The following CAMKK2 variants were observed in gnomAD, a reference collection of about 807,000 sequenced individuals.
CAMKK2 encodes the protein calcium/calmodulin-dependent protein kinase kinase 2.
CAMKK2 carries 30 observed loss-of-function variants against 67.2 expected under a neutral mutation model. The ratio of observed to expected loss-of-function variants is 0.45; its 90% CI spans 0.33 to 0.61. The LOEUF is 0.61. Among genes scored for constraint, CAMKK2 ranks in the 20% least tolerant of loss-of-function variants. CAMKK2 has a pLI of 0.02. For missense variants in CAMKK2, 643 were observed against 802.0 expected (o/e 0.80, Z 2.39); for synonymous variants, 322 against 326.2 (o/e 0.99, Z 0.14).
rs377717128 is a variant in CAMKK2, at chr12:121,244,085, T to C, written c.1596+488A>G. Reference sequence around the variant, plus strand: ...TGCATCCACTCGGGTGAGGGAACTCTTACGTTACTTTGCAACAGGCAGGAA... The same window carrying C: ...TGCATCCACTCGGGTGAGGGAACTCCTACGTTACTTTGCAACAGGCAGGAA... On this transcript the variant is annotated intron_variant, in intron 16 of 16. Transcript: ENST00000404169. 4.0e-5 allele frequency: 64 copies of C among 1,610,408 alleles called. No homozygotes were observed. In the African/African-American group the frequency reaches 8.0e-4, roughly 20 times the overall value.
chr12:121,286,957 A>G (rs1221802966), intron 1 of CAMKK2, among the ~76,000 whole-genome samples: 3 of 151,912 alleles, frequency 2.0e-5, no homozygotes, highest in Non-Finnish European at 4.4e-5. Context: ...CCAGGCTGGA[A>G]TGCAGTGGTG....
At chr12:121,262,522 A>T (rs1310911819) in intron 6 of CAMKK2, among the ~76,000 whole-genome samples, 1 of 152,002 alleles carries the variant, frequency 6.6e-6, no homozygotes, top group Non-Finnish European at 1.5e-5. Context: ...AAAAAAAAAA[A>T]AATGTATTAC....
intron 1 of CAMKK2, among the ~76,000 whole-genome samples, chr12:121,288,203 G>T (rs558672438): frequency 6.6e-6 from 1 of 152,064 alleles, no homozygotes; most frequent in Non-Finnish European, 1.5e-5. Flanking sequence ...AAAACAACTG[G>T]AATTTCAGTT....
chr12:121,290,795 T>C (rs545107645), intron 1 of CAMKK2, among the ~76,000 whole-genome samples: 4 of 152,146 alleles, frequency 2.6e-5, no homozygotes, highest in Admixed American at 2.6e-4. Flanking sequence ...CAGGAGGCAA[T>C]GGGTTTGTTT....
Position 121,240,666 on chromosome 12 carries a change from C to T in CAMKK2, c.*33G>A. The T allele has an allele frequency of 2.6e-6, 4 of 1,559,488 alleles. No individual in the cohort carries two copies. The highest frequency in any genetic ancestry group is 1.9e-5 in the Admixed American group (1 of 51,960). The stretch of plus-strand genomic sequence containing the variant: ...GTGCAGCAGCCCCCCAGAGGCGACG[C>T]GGCGCGCATGCGAGGTCGAGCGATC... On this transcript the variant is annotated 3_prime_UTR_variant, in exon 17 of 17. Transcript: ENST00000404169. The surrounding 1 kb of genome is among the most constrained non-coding windows in gnomAD (Gnocchi z 4.4).
In CAMKK2 at chr12:121,249,855, A is replaced by G. The variant is rs1459757320; in HGVS notation, c.1255T>C (p.Leu419=). 3.7e-6 allele frequency: 6 copies of G among 1,614,034 alleles called. No homozygotes were observed. In the Admixed American group the frequency reaches 1.0e-4, roughly 27 times the overall value. The change falls in exon 13 of 17, where the codon TTG becomes CTG. Residue 419 remains leucine (L), a synonymous_variant. Coordinates refer to ENST00000404169, the MANE Select transcript of CAMKK2 (RefSeq NM_001270485.2). The stretch of plus-strand genomic sequence containing the variant: ...AGCATACGGGTGATCAGGTCCTTCA[A>G]GTCCTCAGCTATGTCGGGCCTGGGG... ...FPDQPDIAED[L]KDLITRMLDK... is the part of the protein sequence containing the mutation.
Position 121,263,878 on chromosome 12 carries a change from G to A in CAMKK2, c.687C>T (p.Pro229=), listed in dbSNP as rs2230776. 0.081 allele frequency: 130,232 copies of A among 1,610,142 alleles called. 6,906 individuals are homozygous for A. The highest frequency in any genetic ancestry group is 0.31 in the East Asian group (13,686 of 44,766). Residue 229 remains proline, a synonymous_variant, in exon 6 of 17, where the codon CCC becomes CCT. Coordinates refer to ENST00000404169, the MANE Select transcript of CAMKK2 (RefSeq NM_001270485.2). ...APGGCIQPRG[P]IEQVYQEIAI... ...CAATTTCCTGGTACACCTGCTCAAT[G>A]GGGCCCCTGGGCTGGATGCAGCCTC... is the stretch of plus-strand genomic sequence containing the variant.
At chr12:121,257,372 G>T (rs573727138) in intron 7 of CAMKK2, among the ~76,000 whole-genome samples, 2 of 150,926 alleles carry the variant, frequency 1.3e-5, no homozygotes, top group African/African-American at 4.9e-5. Flanking sequence ...TCAGCCTCCC[G>T]AGTAGCTGGG....
chr12:121,270,318 C>A (rs967693030), intron 3 of CAMKK2, among the ~76,000 whole-genome samples: 2 of 150,698 alleles, frequency 1.3e-5, no homozygotes, highest in African/African-American at 2.5e-5. Flanking sequence ...TGCAGTGAGC[C>A]GAGATTGCGC....
intron 2 of CAMKK2, among the ~76,000 whole-genome samples, chr12:121,272,137 G>A (rs970586977): frequency 5.9e-5 from 9 of 152,200 alleles, no homozygotes; most frequent in Non-Finnish European, 1.2e-4. Context: ...CATTGTACCA[G>A]GCCTTGACAG....
intron 1 of CAMKK2, among the ~76,000 whole-genome samples, chr12:121,276,099 G>A (rs1362105567): frequency 6.7e-6 from 1 of 149,794 alleles, no homozygotes; most frequent in East Asian, 1.9e-4. Flanking sequence ...GGCGGAGGTT[G>A]CAATGAGCCG....
At chr12:121,289,498 T>C (rs1899525207) in intron 1 of CAMKK2, among the ~76,000 whole-genome samples, 1 of 152,204 alleles carries the variant, frequency 6.6e-6, no homozygotes. Flanking sequence ...TTCTAAATCT[T>C]ATTTCTCAGA....
At chr12:121,248,514 C>G in intron 14 of CAMKK2, 92 bp downstream of exon 14, 2 of 1,504,780 alleles carry the variant, frequency 1.3e-6, no homozygotes, top group East Asian at 2.3e-5. Context: ...ACATCTGACT[C>G]CCGGGCACCC....
At chr12:121,249,765 G>C (rs749173941) in intron 13 of CAMKK2, 22 bp downstream of exon 13, 1 of 1,605,850 alleles carries the variant, frequency 6.2e-7, no homozygotes, top group Admixed American at 1.7e-5. Flanking sequence ...CGAGCACGGG[G>C]CACAGGCTGA....
upstream of CAMKK2, chr12:121,297,134 G>C (rs1901447332): frequency 6.5e-6 from 1 of 154,056 alleles, no homozygotes; most frequent in Non-Finnish European, 1.4e-5. Flanking sequence ...TTCTTCCCGC[G>C]GCGCCCTCGG....
chr12:121,260,686 C>G, intron 6 of CAMKK2: 1 of 514,546 alleles, frequency 1.9e-6, no homozygotes, highest in Non-Finnish European at 3.4e-6. Context: ...GGCGCAGTGG[C>G]TCATGCCTGA....
Position 121,285,630 on chromosome 12 carries a change from G to A in CAMKK2, c.-60+11008C>T, listed in dbSNP as rs1038875533. 6.6e-6 allele frequency among the ~76,000 whole-genome samples: 1 copy of A among 152,086 alleles called. No homozygotes were observed. Among genetic ancestry groups the A allele is most frequent in the African/African-American group, 2.4e-5 (1 of 41,420 alleles). On this transcript the variant is annotated intron_variant, in intron 1 of 16. Transcript: ENST00000404169. The surrounding 1 kb of genome is among the most constrained non-coding windows in gnomAD (Gnocchi z 4.1). ...TTGAGACCAGCCTGGGCAACATGGC[G>A]AGACCTCATCGCTACAAAAATACAA...
In CAMKK2 at chr12:121,268,656, G is replaced by A. The variant is rs771971632; in HGVS notation, c.607C>T (p.Arg203Trp). 7.4e-6 allele frequency: 12 copies of A among 1,614,072 alleles called. No individual in the cohort carries two copies. The highest frequency in any genetic ancestry group is 9.3e-6 in the Non-Finnish European group (11 of 1,179,966). Residue 203 changes from arginine to tryptophan, a missense_variant, in exon 5 of 17, where the codon CGG becomes TGG. Arg to Trp is a moderately radical substitution (Grantham distance 101, BLOSUM62 -3). This residue lies in a region of CAMKK2 where 483 missense variants were observed against 625.8 expected (regional missense o/e 0.77). Coordinates refer to ENST00000404169, the MANE Select transcript of CAMKK2 (RefSeq NM_001270485.2). ...MKVLSKKKLI[R>W]QAGFPRRPPP... is the part of the protein sequence containing the mutation. ...AACTCACGTGGAAAGCCGGCCTGCC[G>A]GATCAGCTTCTTTTTGGACAGCACC...
rs181975294 is a variant in CAMKK2, at chr12:121,263,795, C to T, written c.759+11G>A. The T allele has an allele frequency of 6.3e-5, 100 of 1,598,288 alleles. No homozygotes were observed. The highest frequency in any genetic ancestry group is 2.4e-4 in the Admixed American group (14 of 58,788). ...GGCCTCCCTCCCTCCTGGGCGCCTC[C>T]ACCCTTTTACCTCCACCAGCTTCAC... On this transcript the variant is annotated intron_variant, in intron 6 of 16. Coordinates refer to ENST00000404169, the MANE Select transcript of CAMKK2 (RefSeq NM_001270485.2).
Sources: allele counts gnomAD v4.1 joint callset (sites outside exome capture counted in the v4.1 genomes callset), GRCh38; gene constraint gnomAD v4.1.1; regional missense constraint gnomAD v4.1.1; non-coding constraint Gnocchi (gnomAD v3.1); transcripts MANE v1.5; gene names NCBI Gene and HGNC (gene_info 2026-07-23, HGNC 2026-07-21).